ZNF430: variants seen among roughly 807,000 people sequenced by gnomAD.
The protein encoded by ZNF430 is zinc finger protein 430.
Under a neutral mutation model 56.7 loss-of-function variants are expected in ZNF430, and 35 were observed. The observed-to-expected ratio is 0.62, with a 90% CI of 0.47 to 0.82. The LOEUF is 0.82. Ranked by LOEUF, ZNF430 falls within the 40% of genes least tolerant of loss-of-function variation. ZNF430 has a pLI of 0.00. For synonymous variants in ZNF430, 212 were observed against 224.3 expected (o/e 0.94, Z 0.49); for missense variants, 574 against 661.0 (o/e 0.87, Z 1.44).
At position 21,057,383 on chromosome 19, in the gene ZNF430, A is replaced by G; in HGVS notation, c.1075A>G (p.Thr359Ala). 1 of 1,613,130 alleles carries G rather than the reference A, an allele frequency of 6.2e-7. No homozygotes were observed. Among genetic ancestry groups the G allele is most frequent in the Admixed American group, 1.7e-5 (1 of 59,976 alleles). Residue 359 changes from threonine (T) to alanine (A), a missense_variant, in exon 5 of 5, where the codon ACC (threonine) becomes GCC (alanine). This residue lies in a region of ZNF430 where 15 missense variants were observed against 40.9 expected (regional missense o/e 0.37). Transcript: ENST00000261560. ...TGGCAAAGCTTTTAACCAATCCTCA[A>G]CCCTTACTACACATAAGATAATTCA... ...ECGKAFNQSS[T>A]LTTHKIIHAG... is the part of the protein sequence containing the mutation.
intron 4 of ZNF430, among the ~76,000 whole-genome samples, chr19:21,053,983 A>G (rs1158906070): frequency 6.6e-6 from 1 of 152,116 alleles, no homozygotes; most frequent in African/African-American, 2.4e-5. Context: ...AGATACAACG[A>G]TATATTTCAG....
chr19:21,033,321 T>G lies in ZNF430; in HGVS notation c.97-135T>G, dbSNP rs1599494332. 6 of 1,240,622 alleles carry G rather than the reference T, an allele frequency of 4.8e-6. No homozygotes were observed. In the East Asian group the frequency reaches 1.8e-4, roughly 37 times the overall value. The allele number at this position is 1,240,622 out of a possible 1,614,324, so 76.9% of individuals were successfully genotyped here. On this transcript the variant is annotated intron_variant, in intron 2 of 4. Coordinates refer to ENST00000261560, the MANE Select transcript of ZNF430 (RefSeq NM_025189.4). Reference sequence around the variant, plus strand: ...TCTGTCTCAAAAAAAAAAAAAATTATTGGATAATTTCAGTCATTCCTGCAA... The same window carrying G: ...TCTGTCTCAAAAAAAAAAAAAATTAGTGGATAATTTCAGTCATTCCTGCAA...
Position 21,057,780 on chromosome 19 carries a change from G to C in ZNF430, c.1472G>C (p.Gly491Ala). The change falls in exon 5 of 5, where the codon GGC becomes GCC. Residue 491 changes from glycine (G) to alanine (A), a missense_variant. Physicochemically the swap from Gly to Ala is moderately conservative, Grantham distance 60. Around this residue, in one of 3 missense-constraint regions of ZNF430, gnomAD observed 213 missense variants for 221.0 expected, o/e 0.96. Transcript: ENST00000261560. Reference protein sequence around the residue: ...GEKPYKCEECGKAFNQFSNLT... With the variant: ...GEKPYKCEECAKAFNQFSNLT... Reference sequence around the variant, plus strand: ...AAACCCTACAAATGTGAAGAATGTGGCAAAGCTTTTAACCAATTCTCAAAC... The same window carrying C: ...AAACCCTACAAATGTGAAGAATGTGCCAAAGCTTTTAACCAATTCTCAAAC... 1 of 1,613,816 alleles carries C rather than the reference G, an allele frequency of 6.2e-7. No individual in the cohort carries two copies. Among genetic ancestry groups the C allele is most frequent in the Non-Finnish European group, 8.5e-7 (1 of 1,179,994 alleles).
chr19:21,021,580 A>T (rs1967686850), intron 1 of ZNF430, among the ~76,000 whole-genome samples: 1 of 152,164 alleles, frequency 6.6e-6, no homozygotes, highest in Non-Finnish European at 1.5e-5. Flanking sequence ...TTGAGCACCC[A>T]GCTGTGGTTT....
intron 4 of ZNF430, among the ~76,000 whole-genome samples, chr19:21,041,840 A>G (rs1968108333): frequency 6.6e-6 from 1 of 152,168 alleles, no homozygotes; most frequent in Admixed American, 6.5e-5. Context: ...CAGCCTCCCA[A>G]GTAGCTGGGA....
chr19:21,034,303 G>T, intron 4 of ZNF430, 119 bp downstream of exon 4: 1 of 828,930 alleles, frequency 1.2e-6, no homozygotes, highest in Non-Finnish European at 1.8e-6. Context: ...TGGGAAGCCT[G>T]AGTTTTTTTT....
chr19:21,036,395 G>A (rs1268923023), intron 4 of ZNF430: 1 of 152,004 alleles, frequency 6.6e-6, no homozygotes, highest in Non-Finnish European at 1.5e-5. Context: ...TCACCTTTGT[G>A]TGAGAGAAAC....
intron 4 of ZNF430, among the ~76,000 whole-genome samples, chr19:21,040,916 T>A (rs1053711968): frequency 6.6e-6 from 1 of 152,174 alleles, no homozygotes; most frequent in African/African-American, 2.4e-5. Flanking sequence ...TCAGTGTTTG[T>A]CTCATGTTAG....
chr19:21,051,301 T>G (rs1968279677), intron 4 of ZNF430, among the ~76,000 whole-genome samples: 1 of 150,390 alleles, frequency 6.6e-6, no homozygotes, highest in Admixed American at 6.6e-5. Context: ...TAGAATATTT[T>G]TGGCTTTTTA....
intron 4 of ZNF430, among the ~76,000 whole-genome samples, chr19:21,056,403 A>G (rs1968377497): frequency 2.0e-5 from 3 of 151,754 alleles, no homozygotes; most frequent in Admixed American, 1.3e-4. Flanking sequence ...GCAGGAGAAT[A>G]GCTTGAGCCT....
chr19:21,035,705 T>A (rs1443430293), intron 4 of ZNF430: 1 of 170,344 alleles, frequency 5.9e-6, no homozygotes, highest in African/African-American at 2.4e-5. Flanking sequence ...GAATGCTCTC[T>A]GGGTTTGTAG....
intron 4 of ZNF430, among the ~76,000 whole-genome samples, chr19:21,054,669 C>T (rs1234782529): frequency 9.1e-5 from 6 of 65,592 alleles, no homozygotes; most frequent in African/African-American, 1.3e-4. Context: ...ATTTTTACGT[C>T]TTTTTTTTTT....
At position 21,033,595 on chromosome 19, in the gene ZNF430, T is replaced by G. The variant is rs1967941108; in HGVS notation, c.223+13T>G. 1 of 1,599,650 alleles carries G rather than the reference T, an allele frequency of 6.3e-7. No individual in the cohort carries two copies. Among genetic ancestry groups the G allele is most frequent in the Non-Finnish European group, 8.5e-7 (1 of 1,174,598 alleles). On this transcript the variant is annotated intron_variant, in intron 3 of 4. Coordinates refer to ENST00000261560, the MANE Select transcript of ZNF430 (RefSeq NM_025189.4). ...CTGGTCTTCTTGGGTGAGAATAACT[T>G]TAGTACACAATTACTAGTATACCCT... is the stretch of plus-strand genomic sequence containing the variant.
chr19:21,052,598 A>C (rs1968301402), intron 4 of ZNF430, among the ~76,000 whole-genome samples: 1 of 152,228 alleles, frequency 6.6e-6, no homozygotes, highest in African/African-American at 2.4e-5. Flanking sequence ...TTTGACCTAA[A>C]GTACATTTTA....
intron 1 of ZNF430, 111 bp from the exon 2 acceptor site, chr19:21,022,678 T>C: frequency 1.2e-6 from 1 of 831,508 alleles, no homozygotes; most frequent in Non-Finnish European, 2.0e-6. Context: ...CTTCAGTTTT[T>C]TTCTGGTCCT....
intron 2 of ZNF430, among the ~76,000 whole-genome samples, chr19:21,027,250 A>G (rs1041161564): frequency 6.6e-6 from 1 of 152,118 alleles, no homozygotes; most frequent in South Asian, 2.1e-4. Flanking sequence ...GAATGCTTCC[A>G]GCTTGTGTCC....
intron 4 of ZNF430, among the ~76,000 whole-genome samples, chr19:21,052,687 T>C (rs1275833999): frequency 6.6e-6 from 1 of 152,192 alleles, no homozygotes; most frequent in East Asian, 1.9e-4. Flanking sequence ...TTGGTTAATA[T>C]TTGCATGGAA....
At chr19:21,034,338 C>A in intron 4 of ZNF430, 154 bp downstream of exon 4, 1 of 548,824 alleles carries the variant, frequency 1.8e-6, no homozygotes, top group Non-Finnish European at 3.2e-6. Context: ...CGCATAGGGT[C>A]ATCTTCTGTC....
chr19:21,047,847 C>G (rs895689297), intron 4 of ZNF430, among the ~76,000 whole-genome samples: 4 of 152,222 alleles, frequency 2.6e-5, no homozygotes, highest in Non-Finnish European at 5.9e-5. Flanking sequence ...CTTAAGAAAG[C>G]ACTCTGGCTG....
Sources: allele counts gnomAD v4.1 joint callset (sites outside exome capture counted in the v4.1 genomes callset), GRCh38; gene constraint gnomAD v4.1.1; regional missense constraint gnomAD v4.1.1; transcripts MANE v1.5; gene names NCBI Gene and HGNC (gene_info 2026-07-23, HGNC 2026-07-21).